The following KCNIP4 variants were observed in gnomAD, a reference collection of about 807,000 sequenced individuals.
The protein encoded by KCNIP4 is potassium voltage-gated channel interacting protein 4, also known as Kv channel-interacting protein 4.
A neutral mutation model predicts 34.0 loss-of-function variants in KCNIP4; 12 were observed. That is an observed-to-expected ratio of 0.35 (90% CI 0.23 to 0.57). KCNIP4 has a LOEUF of 0.57. Among genes scored for constraint, KCNIP4 ranks in the 20% least tolerant of loss-of-function variants. KCNIP4 has a pLI of 0.83. For missense variants in KCNIP4, 238 were observed against 311.7 expected, an observed-to-expected ratio of 0.76 and a Z score of 1.78; for synonymous variants, 124 against 102.2, an observed-to-expected ratio of 1.21 and a Z score of -1.29.
intron 1 of KCNIP4, among the ~76,000 whole-genome samples, chr4:21,501,993 GCACACACACACACA>G (rs10559810): frequency 1.4e-5 from 2 of 145,114 alleles, no homozygotes; most frequent in Non-Finnish European, 3.0e-5. Flanking sequence ...TCATGCACAC[GCACACACACACACA>G]CACACACAAG....
At chr4:20,768,719 G>C (rs1755620698) in intron 3 of KCNIP4, among the ~76,000 whole-genome samples, 1 of 152,084 alleles carries the variant, frequency 6.6e-6, no homozygotes, top group South Asian at 2.1e-4. Context: ...TTTAAAAACT[G>C]AATATACTCA....
chr4:21,248,500 C>A (rs1760455600), intron 1 of KCNIP4, among the ~76,000 whole-genome samples: 3 of 152,178 alleles, frequency 2.0e-5, no homozygotes, highest in Non-Finnish European at 2.9e-5. Context: ...CTTCCCAAAG[C>A]CTTGATAACT....
intron 1 of KCNIP4, among the ~76,000 whole-genome samples, chr4:21,770,657 G>A (rs892603613): frequency 6.6e-6 from 1 of 152,150 alleles, no homozygotes; most frequent in African/African-American, 2.4e-5. Context: ...ACTGGCATGA[G>A]ATGGTATCGC....
At chr4:20,874,444 T>C (rs775236225) in intron 2 of KCNIP4, among the ~76,000 whole-genome samples, 53 of 152,170 alleles carry the variant, frequency 3.5e-4, no homozygotes, top group Admixed American at 2.8e-3. Flanking sequence ...CCCCTGTGCC[T>C]GGAACTATTG....
intron 1 of KCNIP4, among the ~76,000 whole-genome samples, chr4:21,754,833 T>G (rs1717395758): frequency 6.6e-6 from 1 of 152,160 alleles, no homozygotes; most frequent in South Asian, 2.1e-4. Context: ...AGTTTTATCT[T>G]GTGCAGAGTT....
chr4:21,145,019 T>C (rs1752250663), intron 1 of KCNIP4, among the ~76,000 whole-genome samples: 1 of 152,190 alleles, frequency 6.6e-6, no homozygotes, highest in Admixed American at 6.5e-5. Flanking sequence ...ATGAAACATT[T>C]ATTCAGAATG....
intron 1 of KCNIP4, among the ~76,000 whole-genome samples, chr4:21,681,008 C>A (rs1422538823): frequency 6.6e-6 from 1 of 152,152 alleles, no homozygotes; most frequent in Admixed American, 6.6e-5. Context: ...GCTTTGGAGC[C>A]AGGCATTGAA....
At chr4:21,044,261 C>G (rs1013781829) in intron 1 of KCNIP4, among the ~76,000 whole-genome samples, 4 of 152,026 alleles carry the variant, frequency 2.6e-5, no homozygotes, top group Non-Finnish European at 5.9e-5. Flanking sequence ...GTTTTCTCAC[C>G]AATAATTACC....
intron 1 of KCNIP4, among the ~76,000 whole-genome samples, chr4:21,497,793 C>G (rs909079418): frequency 1.3e-5 from 2 of 152,038 alleles, no homozygotes; most frequent in African/African-American, 4.8e-5. Flanking sequence ...TTAAATGAAA[C>G]TTTATATAAT....
At chr4:21,276,124 G>A (rs1246134590) in intron 1 of KCNIP4, among the ~76,000 whole-genome samples, 1 of 152,164 alleles carries the variant, frequency 6.6e-6, no homozygotes, top group African/African-American at 2.4e-5. Context: ...CTGTCCAACC[G>A]GGTAACAAAA....
intron 1 of KCNIP4, among the ~76,000 whole-genome samples, chr4:20,939,349 T>C (rs528917309): frequency 6.6e-6 from 1 of 152,224 alleles, no homozygotes; most frequent in South Asian, 2.1e-4. Flanking sequence ...TGTTAAACTT[T>C]CAGCCCATAA....
intron 1 of KCNIP4, among the ~76,000 whole-genome samples, chr4:21,625,828 C>T (rs992867476): frequency 6.6e-6 from 1 of 152,126 alleles, no homozygotes; most frequent in African/African-American, 2.4e-5. Context: ...CAAATCATTA[C>T]ACTGTTCAAA....
chr4:21,905,794 C>T (rs1727969962), intron 1 of KCNIP4, among the ~76,000 whole-genome samples: 1 of 152,082 alleles, frequency 6.6e-6, no homozygotes, highest in Non-Finnish European at 1.5e-5. Context: ...TTAGTAGATT[C>T]CTGACTTTCT....
chr4:21,642,518 A>G (rs1182902605), intron 1 of KCNIP4, among the ~76,000 whole-genome samples: 3 of 152,186 alleles, frequency 2.0e-5, no homozygotes, highest in Non-Finnish European at 4.4e-5. Flanking sequence ...TTCCATAGCT[A>G]GAATTCATGG....
intron 1 of KCNIP4, among the ~76,000 whole-genome samples, chr4:21,467,074 ACACAC>A (rs1338860903): frequency 7.0e-4 from 3 of 4,262 alleles, no homozygotes; most frequent in African/African-American, 2.0e-3. Context: ...ACCAAAACAA[ACACAC>A]ACACACACAC....
In KCNIP4 at chr4:21,016,102, G is replaced by A. The variant is rs574280132; in HGVS notation, c.62-133393C>T. 1.3e-3 allele frequency among the ~76,000 whole-genome samples: 190 copies of A among 149,638 alleles called. 1 individual carries two copies. The highest frequency in any genetic ancestry group is 1.8e-3 in the Non-Finnish European group (121 of 67,634). On this transcript the variant is annotated intron_variant, in intron 1 of 8. Transcript: ENST00000382152. ...CACCTCGGGCTCCAGCAGCTCTATC[G>A]TCACCTATGTAATCTTCATTTGCAC... is the stretch of plus-strand genomic sequence containing the variant.
chr4:20,847,044 C>G (rs1007984353), intron 3 of KCNIP4, among the ~76,000 whole-genome samples: 4 of 152,104 alleles, frequency 2.6e-5, no homozygotes, highest in Non-Finnish European at 5.9e-5. Context: ...ATTATGTAGT[C>G]CAAAACCCAA....
At chr4:21,582,027 A>AGAATAGAATGGAATG (rs1741247929) in intron 1 of KCNIP4, 70 of 113,158 alleles carry the variant, frequency 6.2e-4, no homozygotes, top group African/African-American at 2.4e-3. Flanking sequence ...AGAATAGAAT[A>AGAATAGAATGGAATG]GAATGGAATG....
chr4:21,897,113 T>C (rs1256034004), intron 1 of KCNIP4, among the ~76,000 whole-genome samples: 2 of 152,100 alleles, frequency 1.3e-5, no homozygotes, highest in African/African-American at 4.8e-5. Flanking sequence ...ATATAAGACT[T>C]TAAAATTTAT....
Sources: gnomAD v4.1 joint callset for allele counts (sites outside exome capture counted in the v4.1 genomes callset) on GRCh38, gnomAD v4.1.1 for gene constraint, MANE v1.5 for transcripts, NCBI Gene and HGNC (gene_info 2026-07-23, HGNC 2026-07-21) for gene names.